The following CPED1 variants were observed in gnomAD, a reference collection of about 807,000 sequenced individuals.
CPED1 encodes the protein cadherin like and PC-esterase domain containing 1.
Under a neutral mutation model 128.2 loss-of-function variants are expected in CPED1, and 114 were observed. The observed-to-expected ratio is 0.89, with a 90% CI of 0.76 to 1.04. The LOEUF (loss-of-function observed/expected upper bound fraction) is 1.04, where lower values mean the gene tolerates loss of function less well. Among genes scored for constraint, CPED1 ranks in the 50% least tolerant of loss-of-function variants. The probability of loss-of-function intolerance (pLI) is 0.00; values close to 1 mark genes in which losing one functional copy is unlikely to be tolerated. For synonymous variants in CPED1, 462 were observed against 426.7 expected (o/e 1.08, Z -1.02); for missense variants, 1,211 against 1,207.1 (o/e 1.00, Z -0.05).
At chr7:121,125,244 A>T (rs1454909730) in intron 8 of CPED1, among the ~76,000 whole-genome samples, 12 of 152,156 alleles carry the variant, frequency 7.9e-5, no homozygotes. Context: ...AACAATAGTG[A>T]TTATTAATAT....
At chr7:121,244,536 T>A (rs1177132709) in intron 18 of CPED1, among the ~76,000 whole-genome samples, 198 bp downstream of exon 18, 1 of 152,200 alleles carries the variant, frequency 6.6e-6, no homozygotes, top group Non-Finnish European at 1.5e-5. Context: ...ATGTTCAGTT[T>A]TCTCCAAGTA....
chr7:121,263,029 T>C (rs1181734851), intron 18 of CPED1, among the ~76,000 whole-genome samples: 2 of 152,130 alleles, frequency 1.3e-5, no homozygotes, highest in African/African-American at 4.8e-5. Flanking sequence ...AACATAATCC[T>C]CTAGAAATCC....
Position 121,131,672 on chromosome 7 carries a change from T to A in CPED1, c.1577+1378T>A, listed in dbSNP as rs1027436033. On this transcript the variant is annotated intron_variant, in intron 12 of 22. Coordinates refer to ENST00000310396, the MANE Select transcript of CPED1 (RefSeq NM_024913.5). ...TAAGAAAATTTACTAATGGTCAGTG[T>A]TGAGTATAGTTGGAAAGGGTGAGGA... Among the ~76,000 whole-genome samples the A allele has an allele frequency of 8.0e-4, 121 of 152,046 alleles. 1 individual carries two copies. Among genetic ancestry groups the A allele is most frequent in the African/African-American group, 2.9e-3 (120 of 41,530 alleles).
intron 18 of CPED1, among the ~76,000 whole-genome samples, chr7:121,265,163 T>C (rs1011045804): frequency 3.9e-5 from 6 of 152,122 alleles, no homozygotes; most frequent in Middle Eastern, 3.4e-3. Flanking sequence ...AAAGCAGATG[T>C]TGAATGCAAA....
At chr7:121,253,121 A>G (rs1798722131) in intron 18 of CPED1, among the ~76,000 whole-genome samples, 1 of 152,070 alleles carries the variant, frequency 6.6e-6, no homozygotes. Context: ...ACCATGGAAT[A>G]TGATGCAGCC....
At position 121,267,302 on chromosome 7, in the gene CPED1, G is replaced by A. The variant is rs778397142; in HGVS notation, c.2721G>A (p.Gln907=). 7 of 1,554,946 alleles carry A rather than the reference G, an allele frequency of 4.5e-6. No individual in the cohort carries two copies. Among genetic ancestry groups the A allele is most frequent in the Admixed American group, 1.8e-5 (1 of 56,538 alleles). ...LPVDGVHFLT[Q]SEVQNLWKEN... is the part of the protein sequence containing the mutation. The stretch of plus-strand genomic sequence containing the variant: ...TGGATGGAGTACATTTCTTAACACA[G>A]GTAAGCACATTTCCTCTGGGCTAGG... Residue 907 remains glutamine (Q), a splice_region_variant and synonymous_variant, in exon 21 of 23, where the codon CAG becomes CAA. Coordinates refer to ENST00000310396, the MANE Select transcript of CPED1 (RefSeq NM_024913.5).
At chr7:121,089,869 A>T (rs915287526) in intron 5 of CPED1, among the ~76,000 whole-genome samples, 1 of 152,024 alleles carries the variant, frequency 6.6e-6, no homozygotes, top group East Asian at 1.9e-4. Flanking sequence ...TTTCTTTTTT[A>T]AAAAAATGTC....
chr7:121,267,680 G>A (rs913496149), intron 21 of CPED1, among the ~76,000 whole-genome samples: 1 of 151,996 alleles, frequency 6.6e-6, no homozygotes, highest in Non-Finnish European at 1.5e-5. Context: ...TCTCTGGCCA[G>A]TTCTTATAGA....
chr7:121,151,383 A>G (rs183530951), intron 16 of CPED1, among the ~76,000 whole-genome samples: 25 of 152,316 alleles, frequency 1.6e-4, no homozygotes, highest in Non-Finnish European at 3.1e-4. Flanking sequence ...GTCATAAAAT[A>G]TACATGATTA....
At chr7:121,197,560 C>T (rs939831514) in intron 16 of CPED1, among the ~76,000 whole-genome samples, 6 of 151,986 alleles carry the variant, frequency 3.9e-5, no homozygotes, top group African/African-American at 1.4e-4. Context: ...TGTTAAACAG[C>T]TAGTAATGGG....
Position 121,004,474 on chromosome 7 carries a change from A to G in CPED1, c.250-11191A>G, listed in dbSNP as rs558787176. On this transcript the variant is annotated intron_variant, in intron 2 of 22. Transcript: ENST00000310396. ...AGGACATGTTTGCTCTGTGCCAGAAAGAGATTCTAGGCCGGCTGCCACAAG... is the reference window on the plus strand; with the variant it reads ...AGGACATGTTTGCTCTGTGCCAGAAGGAGATTCTAGGCCGGCTGCCACAAG... 5.9e-5 allele frequency among the ~76,000 whole-genome samples: 9 copies of G among 152,258 alleles called. 1 individual carries two copies. In the South Asian group the frequency reaches 1.5e-3, roughly 25 times the overall value.
At chr7:121,233,943 C>T (rs1337763760) in intron 16 of CPED1, among the ~76,000 whole-genome samples, 1 of 151,996 alleles carries the variant, frequency 6.6e-6, no homozygotes, top group Non-Finnish European at 1.5e-5. Flanking sequence ...GATGGCTGCT[C>T]ATTCTCAGGC....
intron 3 of CPED1, among the ~76,000 whole-genome samples, chr7:121,023,915 C>A (rs1302962226): frequency 2.0e-5 from 3 of 152,078 alleles, no homozygotes; most frequent in Non-Finnish European, 2.9e-5. Flanking sequence ...CGGTGTTTTG[C>A]CTAGAACACG....
At chr7:121,167,180 C>G (rs1404609329) in intron 16 of CPED1, among the ~76,000 whole-genome samples, 1 of 152,188 alleles carries the variant, frequency 6.6e-6, no homozygotes, top group African/African-American at 2.4e-5. Flanking sequence ...ATGATTATCT[C>G]TATGCCCATT....
intron 22 of CPED1, among the ~76,000 whole-genome samples, chr7:121,289,684 A>G (rs947312736): frequency 6.6e-6 from 1 of 152,210 alleles, no homozygotes; most frequent in Non-Finnish European, 1.5e-5. Context: ...TTAAAAAATT[A>G]TGTAAGCTAG....
intron 3 of CPED1, among the ~76,000 whole-genome samples, chr7:121,017,729 A>T (rs1257175056): frequency 1.3e-5 from 2 of 152,170 alleles, no homozygotes; most frequent in African/African-American, 4.8e-5. Flanking sequence ...GATGGATTAT[A>T]TCTCCTCTTT....
intron 7 of CPED1, among the ~76,000 whole-genome samples, chr7:121,111,980 G>A (rs1352146630): frequency 6.6e-6 from 1 of 152,146 alleles, no homozygotes; most frequent in Non-Finnish European, 1.5e-5. Flanking sequence ...GCGAGGCTGG[G>A]TAGTCTAGCC....
chr7:121,015,669 A>T lies in CPED1; in HGVS notation c.254A>T (p.Lys85Ile), dbSNP rs761912789. Reference sequence around the variant, plus strand: ...TTTTATGCCTTCTTTTCTTAGGTCAAAGAATCAATGGAGACACACTTTGGC... The same window carrying T: ...TTTTATGCCTTCTTTTCTTAGGTCATAGAATCAATGGAGACACACTTTGGC... Reference protein sequence around the residue: ...SGNAQETRKVKESMETHFGSH... With the variant: ...SGNAQETRKVIESMETHFGSH... The change falls in exon 3 of 23, where the codon AAA (lysine) becomes ATA (isoleucine). Residue 85 changes from lysine (K) to isoleucine (I), a missense_variant. Transcript: ENST00000310396. 1.9e-6 allele frequency: 3 copies of T among 1,595,804 alleles called. No individual in the cohort carries two copies.
chr7:121,153,663 TG>T (rs2116408793), intron 16 of CPED1, among the ~76,000 whole-genome samples: 1 of 152,344 alleles, frequency 6.6e-6, no homozygotes, highest in Admixed American at 6.5e-5. Flanking sequence ...CCAGAAGTCC[TG>T]GTTCCAGAGC....
Sources: gnomAD v4.1 joint callset for allele counts (sites outside exome capture counted in the v4.1 genomes callset) on GRCh38, gnomAD v4.1.1 for gene constraint, MANE v1.5 for transcripts, NCBI Gene and HGNC (gene_info 2026-07-23, HGNC 2026-07-21) for gene names.